The following APBB2 variants were observed in gnomAD, a reference collection of about 807,000 sequenced individuals.
APBB2 encodes Fe65-like 1.
In APBB2, 38 loss-of-function variants were observed where a neutral mutation model predicts 82.5. The ratio of observed to expected loss-of-function variants is 0.46; its 90% CI spans 0.36 to 0.60. APBB2 has a LOEUF of 0.60. APBB2 is among the 20% of genes least tolerant of loss of function. The pLI is 0.00. For missense variants in APBB2, 772 were observed against 972.3 expected, an observed-to-expected ratio of 0.79 and a Z score of 2.74; for synonymous variants, 341 against 368.2, an observed-to-expected ratio of 0.93 and a Z score of 0.85.
chr4:40,930,458 C>T (rs866393845), intron 10 of APBB2, among the ~76,000 whole-genome samples: 4,236 of 133,680 alleles, frequency 0.032, 98 homozygotes, highest in Non-Finnish European at 0.04. Flanking sequence ...TGCGCGCGCG[C>T]GCGCGCGCGT....
chr4:40,925,638 G>A (rs930368878), intron 10 of APBB2, among the ~76,000 whole-genome samples: 1 of 152,072 alleles, frequency 6.6e-6, no homozygotes, highest in African/African-American at 2.4e-5. Context: ...CCTGTACCAC[G>A]TGAATAAAAA....
chr4:40,825,825 G>A (rs771604895), intron 15 of APBB2, 62 bp downstream of exon 15: 121 of 1,367,344 alleles, frequency 8.8e-5, no homozygotes, highest in Non-Finnish European at 1.2e-4. Flanking sequence ...CTCGGAGGGC[G>A]AACGCCTCCT....
At chr4:40,907,665 C>CCAGGTG in intron 10 of APBB2, among the ~76,000 whole-genome samples, 1 of 137,236 alleles carries the variant, frequency 7.3e-6, no homozygotes, top group Non-Finnish European at 1.5e-5. Context: ...GCCACTGTGC[C>CCAGGTG]TGACCCTTTT....
At chr4:40,883,697 A>G (rs1433540930) in intron 12 of APBB2, among the ~76,000 whole-genome samples, 4 of 132,962 alleles carry the variant, frequency 3.0e-5, no homozygotes, top group African/African-American at 1.1e-4. Context: ...CTAGGAAGGG[A>G]GATAGAGACT....
At chr4:40,923,272 C>G (rs1578461185) in intron 10 of APBB2, among the ~76,000 whole-genome samples, 3 of 152,212 alleles carry the variant, frequency 2.0e-5, no homozygotes, top group African/African-American at 4.8e-5. Flanking sequence ...ACGGTCGTGC[C>G]CAGCCTCTCC....
intron 6 of APBB2, among the ~76,000 whole-genome samples, chr4:40,946,246 A>AT (rs1399124956): frequency 6.6e-6 from 1 of 150,556 alleles, no homozygotes; most frequent in Non-Finnish European, 1.5e-5. Context: ...AAAAAAAAAA[A>AT]AAAAAAAACA....
At chr4:40,987,566 A>G (rs140749918) in intron 6 of APBB2, among the ~76,000 whole-genome samples, 1 of 152,308 alleles carries the variant, frequency 6.6e-6, no homozygotes, top group African/African-American at 2.4e-5. Flanking sequence ...AAATGTATTT[A>G]AAATTAGATA....
intron 2 of APBB2, among the ~76,000 whole-genome samples, chr4:41,123,801 C>A (rs986536216): frequency 6.6e-6 from 1 of 151,414 alleles, no homozygotes; most frequent in Admixed American, 6.6e-5. Context: ...CCAGCCTGGG[C>A]GACAGCAAGA....
rs1034827191 is a variant in APBB2, at chr4:40,832,325, A to T, written c.1530-1748T>A. ...CCCTGCCTCGCAACCTCACCTCGCCATGCCCCAGGCAGCCCTGCAGTGGGG... is the reference window on the plus strand; with the variant it reads ...CCCTGCCTCGCAACCTCACCTCGCCTTGCCCCAGGCAGCCCTGCAGTGGGG... On this transcript the variant is annotated intron_variant, in intron 12 of 17. Transcript: ENST00000508593. This position sits in a 1 kb window ranked among gnomAD's most constrained non-coding sequence, Gnocchi z 4.8. Among the ~76,000 whole-genome samples, 2 of 152,154 alleles carry T rather than the reference A, an allele frequency of 1.3e-5. No homozygotes were observed. Among genetic ancestry groups the T allele is most frequent in the African/African-American group, 4.8e-5 (2 of 41,444 alleles).
At chr4:41,003,549 A>T (rs1463620412) in intron 6 of APBB2, among the ~76,000 whole-genome samples, 1 of 152,152 alleles carries the variant, frequency 6.6e-6, no homozygotes. Flanking sequence ...GTAGGTCCCA[A>T]ATCAAATGAC....
At chr4:41,202,715 A>C (rs1776994411) in intron 1 of APBB2, among the ~76,000 whole-genome samples, 1 of 152,246 alleles carries the variant, frequency 6.6e-6, no homozygotes, top group Non-Finnish European at 1.5e-5. Flanking sequence ...TTTCAAGGTC[A>C]ATACTAACGT....
chr4:41,082,473 T>C (rs1264062658), intron 3 of APBB2, among the ~76,000 whole-genome samples: 1 of 152,206 alleles, frequency 6.6e-6, no homozygotes. Context: ...TGAACAGTGT[T>C]ATAATAGCAG....
intron 5 of APBB2, among the ~76,000 whole-genome samples, chr4:41,017,135 A>T (rs1810211554): frequency 6.6e-6 from 1 of 152,084 alleles, no homozygotes; most frequent in African/African-American, 2.4e-5. Flanking sequence ...GGGTTCAAGT[A>T]ATCCTCCTAC....
chr4:41,013,721 T>C lies in APBB2; in HGVS notation c.697A>G (p.Lys233Glu), dbSNP rs1809053557. 1 of 1,614,146 alleles carries C rather than the reference T, an allele frequency of 6.2e-7. No homozygotes were observed. Among genetic ancestry groups the C allele is most frequent in the East Asian group, 2.2e-5 (1 of 44,868 alleles). ...VATVSSSPET[K>E]KDHPKTGAKT... Reference sequence around the variant, plus strand: ...GCCCCTGTTTTCGGATGATCCTTCTTGGTTTCTGGGCTGGATGACACTGTG... The same window carrying C: ...GCCCCTGTTTTCGGATGATCCTTCTCGGTTTCTGGGCTGGATGACACTGTG... The change falls in exon 6 of 18, where the codon AAG becomes GAG. Residue 233 changes from lysine to glutamate, a missense_variant. Transcript: ENST00000508593.
intron 2 of APBB2, among the ~76,000 whole-genome samples, chr4:41,118,633 C>T (rs1751842474): frequency 6.6e-6 from 1 of 152,060 alleles, no homozygotes; most frequent in Non-Finnish European, 1.5e-5. Flanking sequence ...ATTTATTAGG[C>T]CAGCTTCATA....
In APBB2 at chr4:40,832,013, T is replaced by TACACAC. The variant is rs1553930075; in HGVS notation, c.1530-1442_1530-1437dup. The stretch of plus-strand genomic sequence containing the variant: ...ACACATATTTATATATTTATTTATA[T>TACACAC]ACACACACACACACACACACACACA... On this transcript the variant is annotated intron_variant, in intron 12 of 17. Transcript: ENST00000508593. The surrounding 1 kb of genome is among the most constrained non-coding windows in gnomAD (Gnocchi z 4.8). 0.024 allele frequency among the ~76,000 whole-genome samples: 3,266 copies of TACACAC among 138,924 alleles called. 53 individuals are homozygous for TACACAC. Among genetic ancestry groups the TACACAC allele is most frequent in the Non-Finnish European group, 0.031 (2,018 of 64,436 alleles). 91.1% of individuals were successfully genotyped at this position (138,924 alleles called of 152,430 possible).
At chr4:41,072,176 A>G (rs1351284815) in intron 3 of APBB2, among the ~76,000 whole-genome samples, 1 of 152,244 alleles carries the variant, frequency 6.6e-6, no homozygotes, top group Non-Finnish European at 1.5e-5. Context: ...GACTAGAGTC[A>G]GGATCTGAGT....
intron 6 of APBB2, among the ~76,000 whole-genome samples, chr4:40,983,817 T>A (rs1030035923): frequency 6.6e-6 from 1 of 152,190 alleles, no homozygotes; most frequent in African/African-American, 2.4e-5. Context: ...ACTCAAGTGT[T>A]CCTCCCGCCT....
chr4:41,190,269 T>TTTTTTGTTG (rs1774060746), intron 1 of APBB2, among the ~76,000 whole-genome samples: 1 of 141,056 alleles, frequency 7.1e-6, no homozygotes, highest in African/African-American at 2.7e-5. Context: ...TTTTTTTTTT[T>TTTTTTGTTG]GAGATGGAGT....
Sources: allele counts gnomAD v4.1 joint callset (sites outside exome capture counted in the v4.1 genomes callset), GRCh38; gene constraint gnomAD v4.1.1; non-coding constraint Gnocchi (gnomAD v3.1); transcripts MANE v1.5; gene names NCBI Gene and HGNC (gene_info 2026-07-23, HGNC 2026-07-21).